KIAA1217: variants seen among roughly 807,000 people sequenced by gnomAD.
The protein encoded by KIAA1217 is KIAA1217.
Under a neutral mutation model 163.9 loss-of-function variants are expected in KIAA1217, and 88 were observed. That is an observed-to-expected ratio of 0.54 (90% CI 0.45 to 0.64). KIAA1217 has a LOEUF of 0.64. Ranked by LOEUF, KIAA1217 falls within the 30% of genes least tolerant of loss-of-function variation. The pLI is 0.00. For missense variants in KIAA1217, 2,372 were observed against 2,475.0 expected (o/e 0.96, Z 0.88); for synonymous variants, 903 against 923.1 (o/e 0.98, Z 0.39).
At chr10:24,038,660 C>T (rs563084693) in intron 2 of KIAA1217, among the ~76,000 whole-genome samples, 4 of 151,854 alleles carry the variant, frequency 2.6e-5, no homozygotes, top group African/African-American at 7.3e-5. Flanking sequence ...TTGCTAGCAC[C>T]GGCACAGGGA....
At chr10:24,457,360 G>GTGTGTT (rs774686589) in intron 5 of KIAA1217, among the ~76,000 whole-genome samples, 4 of 151,556 alleles carry the variant, frequency 2.6e-5, no homozygotes, top group Non-Finnish European at 4.4e-5. Context: ...GTGTGTGTGT[G>GTGTGTT]TGTATGTGTG....
chr10:24,037,649 C>A (rs904743191), intron 2 of KIAA1217, among the ~76,000 whole-genome samples: 6 of 152,124 alleles, frequency 3.9e-5, no homozygotes, highest in African/African-American at 1.2e-4. Flanking sequence ...ATTGTCTATT[C>A]CAGATTAAAG....
At chr10:24,216,846 G>T (rs997540884) in intron 1 of KIAA1217, among the ~76,000 whole-genome samples, 2 of 146,760 alleles carry the variant, frequency 1.4e-5, no homozygotes, top group Non-Finnish European at 3.0e-5. Flanking sequence ...AAAAAAAAAG[G>T]TAAAAAATAA....
chr10:23,746,635 G>A (rs1839432663), intron 1 of KIAA1217, among the ~76,000 whole-genome samples: 3 of 152,026 alleles, frequency 2.0e-5, no homozygotes, highest in Admixed American at 2.0e-4. Flanking sequence ...GTGTTAGCCA[G>A]GATGGTCCCG....
intron 5 of KIAA1217, among the ~76,000 whole-genome samples, chr10:24,466,280 C>T (rs1258493138): frequency 2.0e-5 from 3 of 149,930 alleles, no homozygotes; most frequent in Non-Finnish European, 4.5e-5. Flanking sequence ...TTCTCGGTGG[C>T]TGGTTGTTTG....
intron 2 of KIAA1217, among the ~76,000 whole-genome samples, chr10:24,359,686 T>C (rs1434398498): frequency 6.6e-6 from 1 of 152,232 alleles, no homozygotes. Flanking sequence ...AGGATTACTT[T>C]AGATTCTAAG....
At chr10:24,108,710 T>C (rs2062724818) in intron 2 of KIAA1217, among the ~76,000 whole-genome samples, 3 of 152,336 alleles carry the variant, frequency 2.0e-5, no homozygotes, top group Non-Finnish European at 4.4e-5. Flanking sequence ...GATAAGTCTA[T>C]TCAATCATGC....
rs201209284 is a variant in KIAA1217 at position 24,438,360 on chromosome 10, A to G, written c.753-26A>G. The G allele has an allele frequency of 2.6e-5, 40 of 1,530,362 alleles. No individual in the cohort carries two copies. The African/African-American group carries it at 4.0e-4, about 15-fold the overall frequency. The allele number at this position is 1,530,362 out of a possible 1,614,324, so 94.8% of individuals were successfully genotyped here. A position where few individuals can be genotyped will look rare whatever the true frequency, so the allele number is the denominator to read the frequency against. The stretch of plus-strand genomic sequence containing the variant: ...CAAAGTCAGGCTTCTTTCATCTGCC[A>G]TAGTTATCGATGTTTTTGATTCCAG... On this transcript the variant is annotated intron_variant, in intron 4 of 20. Transcript: ENST00000376454.
intron 2 of KIAA1217, among the ~76,000 whole-genome samples, chr10:24,375,850 T>A (rs2052408638): frequency 6.6e-6 from 1 of 152,230 alleles, no homozygotes; most frequent in African/African-American, 2.4e-5. Flanking sequence ...CACCCCACTG[T>A]TCCTGGCAAT....
chr10:23,966,302 C>T (rs885238), intron 1 of KIAA1217, among the ~76,000 whole-genome samples: 2,953 of 152,224 alleles, frequency 0.019, 57 homozygotes, highest in Admixed American at 0.063. Flanking sequence ...AAGCATTGTT[C>T]GTGGAATTGA....
At chr10:24,353,079 G>A (rs2048658033) in intron 2 of KIAA1217, among the ~76,000 whole-genome samples, 1 of 151,998 alleles carries the variant, frequency 6.6e-6, no homozygotes, top group Non-Finnish European at 1.5e-5. Context: ...TCTAGGTGGA[G>A]GCTGAGATAG....
Position 24,543,057 on chromosome 10 carries a change from G to A in KIAA1217, c.3787G>A (p.Val1263Met). 1 of 1,613,708 alleles carries A rather than the reference G, an allele frequency of 6.2e-7. No homozygotes were observed. Among genetic ancestry groups the A allele is most frequent in the Middle Eastern group, 1.7e-4 (1 of 6,060 alleles). ...RDSRNYSQET[V>M]PKASFGFSGI... Reference sequence around the variant, plus strand: ...CAGTAGAAACTATTCCCAGGAAACTGTGCCTAAGGCCAGTTTCGGTTTCTC... The same window carrying A: ...CAGTAGAAACTATTCCCAGGAAACTATGCCTAAGGCCAGTTTCGGTTTCTC... The change falls in exon 19 of 21, where the codon GTG (valine) becomes ATG (methionine). Residue 1263 changes from valine (V) to methionine (M), a missense_variant. Physicochemically the swap from Val to Met is conservative, Grantham distance 21. Around this residue, in one of 3 missense-constraint regions of KIAA1217, gnomAD observed 251 missense variants for 327.3 expected, o/e 0.77. Transcript: ENST00000376454.
At chr10:24,309,048 AGGAGGCGGAG>A (rs2042319184) in intron 2 of KIAA1217, among the ~76,000 whole-genome samples, 2 of 147,180 alleles carry the variant, frequency 1.4e-5, no homozygotes, top group South Asian at 4.3e-4. Context: ...ACTTGAACCC[AGGAGGCGGAG>A]GTTGCAGTGA....
At chr10:24,069,529 C>A (rs2061102862) in intron 2 of KIAA1217, among the ~76,000 whole-genome samples, 1 of 152,174 alleles carries the variant, frequency 6.6e-6, no homozygotes, top group African/African-American at 2.4e-5. Context: ...TGGTTCAAAT[C>A]TGCCCCTCCT....
chr10:24,270,190 T>C (rs867396773), intron 2 of KIAA1217, among the ~76,000 whole-genome samples: 1 of 152,248 alleles, frequency 6.6e-6, no homozygotes, highest in East Asian at 1.9e-4. Flanking sequence ...TTTCTTAGTA[T>C]ACCTTTCACG....
chr10:23,828,788 A>G (rs530168145), intron 1 of KIAA1217, among the ~76,000 whole-genome samples: 1 of 152,152 alleles, frequency 6.6e-6, no homozygotes, highest in Non-Finnish European at 1.5e-5. Flanking sequence ...ACCTAGGTGC[A>G]TGTAATTATT....
At chr10:23,839,133 A>G (rs1171339731) in intron 1 of KIAA1217, among the ~76,000 whole-genome samples, 2 of 152,026 alleles carry the variant, frequency 1.3e-5, no homozygotes, top group African/African-American at 4.8e-5. Context: ...ATACATGCCT[A>G]GTTTTCTTCT....
chr10:24,508,103 G>A (rs537719945), intron 9 of KIAA1217, among the ~76,000 whole-genome samples: 31 of 152,128 alleles, frequency 2.0e-4, no homozygotes, highest in African/African-American at 6.7e-4. Flanking sequence ...TATCCCTCAC[G>A]AAAATATATG....
intron 2 of KIAA1217, among the ~76,000 whole-genome samples, chr10:24,166,111 T>G (rs2065332159): frequency 6.6e-6 from 1 of 152,106 alleles, no homozygotes; most frequent in African/African-American, 2.4e-5. Context: ...TTTTAGACAT[T>G]TGGACAAATC....
Sources: allele counts gnomAD v4.1 joint callset (sites outside exome capture counted in the v4.1 genomes callset), GRCh38; gene constraint gnomAD v4.1.1; regional missense constraint gnomAD v4.1.1; transcripts MANE v1.5; gene names NCBI Gene and HGNC (gene_info 2026-07-23, HGNC 2026-07-21).